The following ARK2C variants were observed in gnomAD, a reference collection of about 807,000 sequenced individuals.
ARK2C encodes arkadia (RNF111) C-terminal like ring finger ubiquitin ligase 2C, also known as E3 ubiquitin-protein ligase ARK2C.
the ARK2C span, among the ~76,000 whole-genome samples, chr18:46,382,910 G>A: frequency 6.6e-6 from 1 of 152,198 alleles, no homozygotes; most frequent in African/African-American, 2.4e-5. Flanking sequence ...ACACCACCAT[G>A]AGCTCATGTA....
At chr18:46,396,910 G>A in the ARK2C span, among the ~76,000 whole-genome samples, 2 of 152,240 alleles carry the variant, frequency 1.3e-5, no homozygotes, top group African/African-American at 4.8e-5. Context: ...GCTCAGTTCA[G>A]TCACATCCAG....
the ARK2C span, among the ~76,000 whole-genome samples, chr18:46,357,770 C>T: frequency 1.3e-5 from 2 of 152,338 alleles, no homozygotes; most frequent in South Asian, 2.1e-4. Context: ...AAATAGCACA[C>T]GCTGGGTGGC....
chr18:46,336,216 T>G, the ARK2C span: 1 of 985,214 alleles, frequency 1.0e-6, no homozygotes, highest in East Asian at 1.1e-4. Context: ...TTAAGAAGGA[T>G]GTTGAGCCTG....
chr18:46,336,741 G>A, the ARK2C span: 1 of 985,290 alleles, frequency 1.0e-6, no homozygotes, highest in East Asian at 1.1e-4. Context: ...TCCCTGTTAA[G>A]TGGATTCCTT....
chr18:46,380,506 G>A, the ARK2C span, among the ~76,000 whole-genome samples: 4 of 152,226 alleles, frequency 2.6e-5, no homozygotes, highest in African/African-American at 4.8e-5. Context: ...GCCAGGCATC[G>A]TTCTCAGGGC....
At chr18:46,345,092 G>A in the ARK2C span, among the ~76,000 whole-genome samples, 3 of 152,338 alleles carry the variant, frequency 2.0e-5, no homozygotes, top group African/African-American at 7.2e-5. Context: ...CGGGGCAGGG[G>A]TGCCTGGGAT....
chr18:46,401,745 C>T, the ARK2C span, among the ~76,000 whole-genome samples: 1 of 152,204 alleles, frequency 6.6e-6, no homozygotes, highest in Non-Finnish European at 1.5e-5. Context: ...ACGGAGCTTC[C>T]TGGAGTCATG....
chr18:46,343,222 C>G, the ARK2C span, among the ~76,000 whole-genome samples: 6 of 152,124 alleles, frequency 3.9e-5, no homozygotes, highest in Admixed American at 3.9e-4. Context: ...ACCAGCAGCC[C>G]CTTCCATCGA....
the ARK2C span, among the ~76,000 whole-genome samples, chr18:46,382,789 C>G: frequency 2.3e-4 from 35 of 152,268 alleles, no homozygotes; most frequent in East Asian, 6.8e-3. Context: ...AGCCTAGGTT[C>G]TTAAATTAGA....
At chr18:46,459,015 A>C in the ARK2C span, 1 of 152,230 alleles carries the variant, frequency 6.6e-6, no homozygotes, top group Non-Finnish European at 1.5e-5. Flanking sequence ...CAGGAAGTTG[A>C]GACTTCTGCC....
At chr18:46,398,446 C>A in the ARK2C span, among the ~76,000 whole-genome samples, 4 of 151,962 alleles carry the variant, frequency 2.6e-5, no homozygotes, top group East Asian at 7.7e-4. Context: ...AAACCTAGCC[C>A]CTTACCCCCA....
At chr18:46,349,592 G>T in the ARK2C span, among the ~76,000 whole-genome samples, 8 of 152,330 alleles carry the variant, frequency 5.3e-5, no homozygotes, top group East Asian at 1.5e-3. Context: ...TGGCATTTTT[G>T]CTGGCCAGCC....
At chr18:46,433,976 G>A in the ARK2C span, among the ~76,000 whole-genome samples, 3 of 152,208 alleles carry the variant, frequency 2.0e-5, no homozygotes, top group Non-Finnish European at 4.4e-5. Flanking sequence ...TCCAGGAACG[G>A]CTGGTTCCCA....
At chr18:46,437,865 C>G in the ARK2C span, among the ~76,000 whole-genome samples, 14 of 152,336 alleles carry the variant, frequency 9.2e-5, 1 homozygote, top group East Asian at 1.7e-3. Flanking sequence ...AGGTGGAGGT[C>G]TCTAAGTACC....
the ARK2C span, among the ~76,000 whole-genome samples, chr18:46,398,045 G>A: frequency 4.1e-5 from 6 of 146,334 alleles, no homozygotes; most frequent in Non-Finnish European, 7.5e-5. Context: ...GTGAGGGTGT[G>A]TGTACCTGTG....
chr18:46,412,122 C>G, the ARK2C span, among the ~76,000 whole-genome samples: 1 of 152,376 alleles, frequency 6.6e-6, no homozygotes, highest in East Asian at 1.9e-4. Context: ...TCTCACAGCC[C>G]TGGGAATCAA....
At chr18:46,353,322 C>T in the ARK2C span, among the ~76,000 whole-genome samples, 7 of 152,166 alleles carry the variant, frequency 4.6e-5, no homozygotes, top group African/African-American at 9.7e-5. Flanking sequence ...GGGATGTCAT[C>T]GTGACCTCCT....
At chr18:46,358,930 T>C in the ARK2C span, among the ~76,000 whole-genome samples, 1 of 152,172 alleles carries the variant, frequency 6.6e-6, no homozygotes, top group East Asian at 1.9e-4. Flanking sequence ...ACCCCCGGAC[T>C]CTTGTCCCCA....
the ARK2C span, among the ~76,000 whole-genome samples, chr18:46,391,423 C>G: frequency 6.6e-6 from 1 of 152,154 alleles, no homozygotes; most frequent in African/African-American, 2.4e-5. Context: ...ACTGTATGCT[C>G]TCAGATCAAG....
Sources: allele counts gnomAD v4.1 joint callset (sites outside exome capture counted in the v4.1 genomes callset), GRCh38; gene constraint gnomAD v4.1.1; transcripts MANE v1.5; gene names NCBI Gene and HGNC (gene_info 2026-07-23, HGNC 2026-07-21).